Variants in KIF21A observed in about 807,000 individuals in gnomAD.
KIF21A encodes kinesin family member 21A.
Under a neutral mutation model 202.9 loss-of-function variants are expected in KIF21A, and 114 were observed. The ratio of observed to expected loss-of-function variants is 0.56; its 90% CI spans 0.48 to 0.66. KIF21A has a LOEUF of 0.66. Ranked by LOEUF, KIF21A falls within the 30% of genes least tolerant of loss-of-function variation. KIF21A has a pLI of 0.00. For missense variants in KIF21A, 1,677 were observed against 1,994.9 expected, an observed-to-expected ratio of 0.84 and a Z score of 3.04; for synonymous variants, 667 against 670.8, an observed-to-expected ratio of 0.99 and a Z score of 0.09.
At chr12:39,322,426 TA>T (rs1391703494) in intron 27 of KIF21A, 1 of 363,624 alleles carries the variant, frequency 2.8e-6, no homozygotes, top group Admixed American at 4.3e-5. Flanking sequence ...ATAAAAATTA[TA>T]ACCCTTAAGA....
intron 1 of KIF21A, among the ~76,000 whole-genome samples, chr12:39,375,582 A>G (rs1319449392): frequency 6.6e-6 from 1 of 152,082 alleles, no homozygotes; most frequent in Non-Finnish European, 1.5e-5. Flanking sequence ...GCAACCATAT[A>G]ATAGGGGTAT....
intron 1 of KIF21A, among the ~76,000 whole-genome samples, chr12:39,404,052 A>G (rs774305933): frequency 2.0e-5 from 3 of 152,174 alleles, no homozygotes; most frequent in African/African-American, 4.8e-5. Context: ...ATATTTATCA[A>G]GCACCCAGGA....
At chr12:39,353,507 C>A (rs560831540) in intron 10 of KIF21A, among the ~76,000 whole-genome samples, 2 of 151,990 alleles carry the variant, frequency 1.3e-5, no homozygotes, top group African/African-American at 4.8e-5. Context: ...GATTATCAAA[C>A]AACAGAAAAG....
At chr12:39,357,120 A>T in intron 9 of KIF21A, 128 bp downstream of exon 9, 1 of 799,006 alleles carries the variant, frequency 1.3e-6, no homozygotes, top group Non-Finnish European at 2.1e-6. Context: ...TATTTAACTT[A>T]AAACCACAGA....
At chr12:39,399,636 T>C (rs1952016871) in intron 1 of KIF21A, among the ~76,000 whole-genome samples, 1 of 152,196 alleles carries the variant, frequency 6.6e-6, no homozygotes, top group Admixed American at 6.5e-5. Flanking sequence ...TCCCACATCT[T>C]CTCTCCCCCA....
At chr12:39,391,579 A>T in intron 1 of KIF21A, among the ~76,000 whole-genome samples, 1 of 152,160 alleles carries the variant, frequency 6.6e-6, no homozygotes, top group East Asian at 1.9e-4. Context: ...CTCAAATATA[A>T]AAAATAAAAA....
At chr12:39,400,911 C>T (rs1234865039) in intron 1 of KIF21A, among the ~76,000 whole-genome samples, 1 of 152,032 alleles carries the variant, frequency 6.6e-6, no homozygotes, top group Non-Finnish European at 1.5e-5. Context: ...AGGAGAAAAC[C>T]ATCTTCTGCT....
At chr12:39,424,916 G>A (rs1394265863) in intron 1 of KIF21A, among the ~76,000 whole-genome samples, 2 of 151,852 alleles carry the variant, frequency 1.3e-5, no homozygotes, top group South Asian at 2.1e-4. Context: ...CACTAAAAGC[G>A]AAGTCTAAAA....
intron 33 of KIF21A, 70 bp from the exon 34 acceptor site, chr12:39,307,799 T>A: frequency 7.1e-7 from 1 of 1,401,684 alleles, no homozygotes. Context: ...TTCCTTGAAT[T>A]CCCAGGAAAC....
chr12:39,433,669 G>C (rs1300374430), intron 1 of KIF21A, among the ~76,000 whole-genome samples: 2 of 152,144 alleles, frequency 1.3e-5, no homozygotes, highest in African/African-American at 4.8e-5. Flanking sequence ...GTATATGCTA[G>C]TAACTTTACA....
chr12:39,408,193 G>T (rs1952764602), intron 1 of KIF21A, among the ~76,000 whole-genome samples: 1 of 152,066 alleles, frequency 6.6e-6, no homozygotes, highest in Admixed American at 6.5e-5. Context: ...ATGGTCGGGG[G>T]GTTGGGTGGA....
intron 10 of KIF21A, among the ~76,000 whole-genome samples, chr12:39,354,911 C>A (rs1224625489): frequency 6.6e-6 from 1 of 152,170 alleles, no homozygotes; most frequent in African/African-American, 2.4e-5. Flanking sequence ...TAAACTAAAA[C>A]TCAGAGATGT....
chr12:39,420,279 T>C (rs1366987596), intron 1 of KIF21A, among the ~76,000 whole-genome samples: 1 of 151,948 alleles, frequency 6.6e-6, no homozygotes. Context: ...TGTAAGAGGC[T>C]ATGGGTGTAT....
chr12:39,371,415 TTCC>T (rs1949948175), intron 1 of KIF21A, among the ~76,000 whole-genome samples: 1 of 152,160 alleles, frequency 6.6e-6, no homozygotes, highest in Non-Finnish European at 1.5e-5. Context: ...CCTATCTGTC[TTCC>T]CTCTCAAATT....
At chr12:39,340,106 G>T in intron 16 of KIF21A, 59 bp downstream of exon 16, 211 of 1,282,068 alleles carry the variant, frequency 1.6e-4, no homozygotes, top group Middle Eastern at 4.6e-4. Flanking sequence ...TTTATTTTTT[G>T]TCCCAAATGA....
At chr12:39,354,924 G>A (rs1283583249) in intron 10 of KIF21A, among the ~76,000 whole-genome samples, 1 of 152,128 alleles carries the variant, frequency 6.6e-6, no homozygotes, top group Non-Finnish European at 1.5e-5. Flanking sequence ...AGAGATGTTA[G>A]GTAACTTGCC....
intron 1 of KIF21A, among the ~76,000 whole-genome samples, chr12:39,429,645 G>C (rs1177341153): frequency 6.6e-6 from 1 of 152,128 alleles, no homozygotes; most frequent in Non-Finnish European, 1.5e-5. Context: ...TATTATGTTA[G>C]TACTCTTATT....
chr12:39,430,536 A>C, intron 1 of KIF21A, among the ~76,000 whole-genome samples: 1 of 151,818 alleles, frequency 6.6e-6, no homozygotes. Context: ...ATTGCACTCC[A>C]GCCTGGGGGA....
chr12:39,298,036 C>T (rs530600180), intron 37 of KIF21A, among the ~76,000 whole-genome samples: 1 of 151,810 alleles, frequency 6.6e-6, no homozygotes, highest in South Asian at 2.1e-4. Flanking sequence ...CAGGTTAACC[C>T]CCCTATTGTA....
Sources: allele counts gnomAD v4.1 joint callset (sites outside exome capture counted in the v4.1 genomes callset), GRCh38; gene constraint gnomAD v4.1.1; transcripts MANE v1.5; gene names NCBI Gene and HGNC (gene_info 2026-07-23, HGNC 2026-07-21).